Variants in RBFOX3 observed in about 807,000 individuals in gnomAD.
RBFOX3 encodes the protein RNA binding fox-1 homolog 3.
RBFOX3 carries 17 observed loss-of-function variants against 48.7 expected under a neutral mutation model. The observed-to-expected ratio is 0.35, with a 90% confidence interval of 0.24 to 0.52. The LOEUF (loss-of-function observed/expected upper bound fraction) is 0.52, where lower values mean the gene tolerates loss of function less well. Among genes scored for constraint, RBFOX3 ranks in the 20% least tolerant of loss-of-function variants. RBFOX3 has a pLI of 0.94. For missense variants in RBFOX3, 382 were observed against 497.5 expected, an observed-to-expected ratio of 0.77 and a Z score of 2.21; for synonymous variants, 212 against 209.5, an observed-to-expected ratio of 1.01 and a Z score of -0.10.
At chr17:79,237,410 T>C (rs532316098) in intron 3 of RBFOX3, among the ~76,000 whole-genome samples, 1 of 152,254 alleles carries the variant, frequency 6.6e-6, no homozygotes, top group African/African-American at 2.4e-5. Flanking sequence ...TTCCCATTCT[T>C]CAGATAAAGA....
intron 4 of RBFOX3, among the ~76,000 whole-genome samples, chr17:79,197,427 C>T (rs2055862305): frequency 6.9e-6 from 1 of 143,928 alleles, no homozygotes; most frequent in Non-Finnish European, 1.5e-5. Context: ...CTCACTCTGT[C>T]GCCCAGGCTG....
At chr17:79,182,418 G>GCA (rs1414204550) in intron 4 of RBFOX3, among the ~76,000 whole-genome samples, 1 of 152,172 alleles carries the variant, frequency 6.6e-6, no homozygotes, top group Non-Finnish European at 1.5e-5. Flanking sequence ...CGGGAACTGC[G>GCA]GCCCACAGAG....
intron 3 of RBFOX3, among the ~76,000 whole-genome samples, chr17:79,263,756 C>T (rs558376379): frequency 4.6e-5 from 7 of 152,272 alleles, no homozygotes; most frequent in Admixed American, 1.3e-4. Context: ...GCTGGATGAA[C>T]GCGCGCTTAC....
At position 79,490,719 on chromosome 17, in the gene RBFOX3, G is replaced by GGA. The variant is rs2080356663; in HGVS notation, c.-319-8122_-319-8121insTC. Among the ~76,000 whole-genome samples the GGA allele has an allele frequency of 1.7e-4, 12 of 72,120 alleles. No individual in the cohort carries two copies. In the South Asian group the frequency reaches 7.0e-3, roughly 42 times the overall value. 47.3% of individuals were successfully genotyped at this position (72,120 alleles called of 152,430 possible). On this transcript the variant is annotated intron_variant, in intron 1 of 14. Transcript: ENST00000693108. ...AGGCACCTGTTGAGGGGCCTGCAGT[G>GGA]TAGAGAGAGAGAGAGAGAGAGAGAG...
At chr17:79,348,368 G>A (rs72849639) in intron 2 of RBFOX3, among the ~76,000 whole-genome samples, 2,568 of 152,128 alleles carry the variant, frequency 0.017, 29 homozygotes, top group Admixed American at 0.027. Context: ...TCCCCTTCAC[G>A]CTTATTCTCC....
rs1169622267 is a variant in RBFOX3 at position 79,443,386 on chromosome 17, CT to C, written c.-175+39067del. Among the ~76,000 whole-genome samples, 6 of 150,310 alleles carry C rather than the reference CT, an allele frequency of 4.0e-5. No individual in the cohort carries two copies. Among genetic ancestry groups the C allele is most frequent in the South Asian group, 2.1e-4 (1 of 4,720 alleles). The stretch of plus-strand genomic sequence containing the variant: ...TGCACACTCACATACACCCTTGCCT[CT>C]TTTTTTTTTCTTTTGAGACAGTCTT... On this transcript the variant is annotated intron_variant, in intron 2 of 14. Transcript: ENST00000693108. The surrounding 1 kb of genome is among the most constrained non-coding windows in gnomAD (Gnocchi z 4.4).
rs1057035835 is a variant in RBFOX3, at chr17:79,198,620, TTC to T, written c.-34+37144_-34+37145del. 1.8e-5 allele frequency among the ~76,000 whole-genome samples: 2 copies of T among 108,302 alleles called. No homozygotes were observed. Among genetic ancestry groups the T allele is most frequent in the Admixed American group, 1.2e-4 (1 of 8,260 alleles). The allele number at this position is 108,302 out of a possible 152,430, so 71.1% of individuals were successfully genotyped here. On this transcript the variant is annotated intron_variant, in intron 4 of 14. Coordinates refer to ENST00000693108, the MANE Select transcript of RBFOX3 (RefSeq NM_001350451.2). This position sits in a 1 kb window ranked among gnomAD's most constrained non-coding sequence, Gnocchi z 8.2. ...TGAGAAGCCTCCCTGCTTTTGAACT[TTC>T]TCTCTCTCTTTTTTTTTTTTTAAGA...
chr17:79,586,440 T>C (rs2093252059), intron 1 of RBFOX3, among the ~76,000 whole-genome samples: 3 of 152,208 alleles, frequency 2.0e-5, no homozygotes, highest in African/African-American at 7.2e-5. Flanking sequence ...AGATGACCCC[T>C]GGACTCATGA....
At chr17:79,259,693 C>T (rs2065426440) in intron 3 of RBFOX3, among the ~76,000 whole-genome samples, 1 of 152,064 alleles carries the variant, frequency 6.6e-6, no homozygotes, top group Admixed American at 6.5e-5. Flanking sequence ...CTTTGCTGAG[C>T]CTGGCAATCC....
chr17:79,587,778 G>T (rs1820202936), intron 1 of RBFOX3, among the ~76,000 whole-genome samples: 1 of 152,220 alleles, frequency 6.6e-6, no homozygotes, highest in Admixed American at 6.5e-5. Flanking sequence ...GGCTGTGGGA[G>T]AATAGATGAA....
intron 2 of RBFOX3, among the ~76,000 whole-genome samples, chr17:79,316,137 G>A (rs2077510067): frequency 6.6e-6 from 1 of 152,160 alleles, no homozygotes; most frequent in Admixed American, 6.5e-5. Flanking sequence ...GGAGAGGGCG[G>A]GAGAGGCTGC....
intron 3 of RBFOX3, among the ~76,000 whole-genome samples, chr17:79,281,572 T>C (rs554579214): frequency 1.1e-4 from 16 of 152,244 alleles, no homozygotes; most frequent in African/African-American, 3.9e-4. Flanking sequence ...GCTGCAGGCT[T>C]GTGGGGTGAG....
chr17:79,512,200 C>T (rs2084402303), intron 1 of RBFOX3, among the ~76,000 whole-genome samples: 2 of 144,068 alleles, frequency 1.4e-5, no homozygotes, highest in Non-Finnish European at 3.1e-5. Context: ...GGATATAGCC[C>T]CATGGCCAGG....
At chr17:79,442,151 C>T (rs868911131) in intron 2 of RBFOX3, among the ~76,000 whole-genome samples, 3 of 149,972 alleles carry the variant, frequency 2.0e-5, no homozygotes, top group Non-Finnish European at 4.4e-5. Context: ...GGAGGGGAAC[C>T]CCATTCGGCC....
At chr17:79,632,339 G>A in the RBFOX3 span, among the ~76,000 whole-genome samples, 1 of 152,154 alleles carries the variant, frequency 6.6e-6, no homozygotes, top group Admixed American at 6.5e-5. Flanking sequence ...CAGAGGAGAT[G>A]GGAGAGGAAC....
At chr17:79,532,160 C>G (rs1300802275) in intron 1 of RBFOX3, among the ~76,000 whole-genome samples, 1 of 151,948 alleles carries the variant, frequency 6.6e-6, no homozygotes, top group Non-Finnish European at 1.5e-5. Context: ...ACAAAGTTGT[C>G]CTCGGGGCAA....
At chr17:79,454,562 G>C (rs148023375) in intron 2 of RBFOX3, among the ~76,000 whole-genome samples, 1 of 152,156 alleles carries the variant, frequency 6.6e-6, no homozygotes, top group African/African-American at 2.4e-5. Flanking sequence ...CAGCAAAGGG[G>C]TCCACTCACT....
chr17:79,615,003 A>G (rs1363328529), upstream of RBFOX3, among the ~76,000 whole-genome samples: 1 of 152,148 alleles, frequency 6.6e-6, no homozygotes, highest in Admixed American at 6.5e-5. Context: ...CAAATTGTCC[A>G]CAAAATCGAT....
chr17:79,605,663 CT>C (rs2093812243), intron 1 of RBFOX3, among the ~76,000 whole-genome samples: 1 of 152,242 alleles, frequency 6.6e-6, no homozygotes, highest in Non-Finnish European at 1.5e-5. Context: ...TAAATTCCTG[CT>C]AAAAATACAT....
Sources: gnomAD v4.1 joint callset for allele counts (sites outside exome capture counted in the v4.1 genomes callset) on GRCh38, gnomAD v4.1.1 for gene constraint, Gnocchi (gnomAD v3.1) non-coding constraint, MANE v1.5 for transcripts, NCBI Gene and HGNC (gene_info 2026-07-23, HGNC 2026-07-21) for gene names.